Variants in AKAP13 observed in about 807,000 individuals in gnomAD.
The protein encoded by AKAP13 is A-kinase anchor protein 13.
Under a neutral mutation model 264.5 loss-of-function variants are expected in AKAP13, and 80 were observed. The ratio of observed to expected loss-of-function variants is 0.30; its 90% confidence interval spans 0.25 to 0.36. The LOEUF (loss-of-function observed/expected upper bound fraction) is 0.36. Ranked by LOEUF, AKAP13 falls within the 10% of genes least tolerant of loss-of-function variation. The pLI, the probability that AKAP13 is intolerant of heterozygous loss-of-function variation, is 1.00. For missense variants in AKAP13, 3,712 were observed against 3,435.2 expected (o/e 1.08, Z -2.01); for synonymous variants, 1,380 against 1,250.2 (o/e 1.10, Z -2.19).
chr15:85,601,503 C>T (rs1362359828), intron 8 of AKAP13, among the ~76,000 whole-genome samples: 3 of 151,992 alleles, frequency 2.0e-5, no homozygotes, highest in Non-Finnish European at 1.5e-5. Flanking sequence ...TCCTTTTCCC[C>T]CAAAATAAGA....
rs1274933165 is a variant in AKAP13 at position 85,483,641 on chromosome 15, A to AAACAAAC, written c.-11-2067_-11-2066insCAAACAA. ...GAGCGAGACTCCGTCTCAAAAAAAAAAAAAAAAAAACACCAAAAAATCAGC... is the reference window on the plus strand; with the variant it reads ...GAGCGAGACTCCGTCTCAAAAAAAAAAACAAACAAAAAAAAAACACCAAAAAATCAGC... On this transcript the variant is annotated intron_variant, in intron 1 of 36. Coordinates refer to ENST00000394518, the MANE Select transcript of AKAP13 (RefSeq NM_007200.5). Among the ~76,000 whole-genome samples, 429 of 143,258 alleles carry AAACAAAC rather than the reference A, an allele frequency of 3.0e-3. 16 individuals are homozygous for AAACAAAC. Among genetic ancestry groups the AAACAAAC allele is most frequent in the East Asian group, 6.3e-3 (32 of 5,040 alleles). The allele number at this position is 143,258 out of a possible 152,430, so 94.0% of individuals were successfully genotyped here.
At chr15:85,438,355 G>A (rs2073432673) in intron 1 of AKAP13, among the ~76,000 whole-genome samples, 1 of 150,426 alleles carries the variant, frequency 6.6e-6, no homozygotes, top group Non-Finnish European at 1.5e-5. Context: ...ATGCTCATGG[G>A]TAGGAAGAAT....
chr15:85,610,667 A>G (rs1469467286), intron 8 of AKAP13, among the ~76,000 whole-genome samples: 7 of 152,340 alleles, frequency 4.6e-5, no homozygotes. Flanking sequence ...AAAACTCTGA[A>G]GAGTTAGTAT....
At chr15:85,588,347 G>A (rs929923214) in intron 8 of AKAP13, among the ~76,000 whole-genome samples, 1 of 152,166 alleles carries the variant, frequency 6.6e-6, no homozygotes, top group Non-Finnish European at 1.5e-5. Context: ...TCAGACAAAT[G>A]TTGCTTTTAC....
chr15:85,687,863 A>T (rs2085034526), intron 16 of AKAP13, among the ~76,000 whole-genome samples: 1 of 152,032 alleles, frequency 6.6e-6, no homozygotes, highest in Non-Finnish European at 1.5e-5. Context: ...GTATAGTGAG[A>T]CCTCATCTCT....
At chr15:85,412,645 C>T (rs2072032506) in intron 1 of AKAP13, among the ~76,000 whole-genome samples, 1 of 152,140 alleles carries the variant, frequency 6.6e-6, no homozygotes, top group East Asian at 1.9e-4. Flanking sequence ...CTTTGGGATT[C>T]TCAGTTTTTA....
chr15:85,427,357 T>C (rs1472749763), intron 1 of AKAP13, among the ~76,000 whole-genome samples: 2 of 150,430 alleles, frequency 1.3e-5, no homozygotes, highest in Non-Finnish European at 3.0e-5. Flanking sequence ...CACTAGTTAC[T>C]AGAAATTTTG....
intron 8 of AKAP13, among the ~76,000 whole-genome samples, chr15:85,634,066 G>T (rs1425729449): frequency 2.0e-5 from 3 of 152,194 alleles, no homozygotes; most frequent in Non-Finnish European, 4.4e-5. Context: ...TAACACACCA[G>T]GAACTGAAAC....
rs561457055 is a variant in AKAP13, at chr15:85,711,848, A to G, written c.5599+1203A>G. ...TTTGTGGTGTGTGGGAGTGTGTTTAATAGAGACAGGGTCTTGCTTTGTCAC... is the reference window on the plus strand; with the variant it reads ...TTTGTGGTGTGTGGGAGTGTGTTTAGTAGAGACAGGGTCTTGCTTTGTCAC... On this transcript the variant is annotated intron_variant, in intron 19 of 36. Coordinates refer to ENST00000394518, the MANE Select transcript of AKAP13 (RefSeq NM_007200.5). 3.5e-4 allele frequency among the ~76,000 whole-genome samples: 54 copies of G among 152,174 alleles called. 1 individual carries two copies. The highest frequency in any genetic ancestry group is 1.3e-3 in the African/African-American group (54 of 41,524).
chr15:85,665,417 C>T (rs907513213), intron 13 of AKAP13, among the ~76,000 whole-genome samples: 1 of 152,160 alleles, frequency 6.6e-6, no homozygotes, highest in African/African-American at 2.4e-5. Context: ...AAACATATCC[C>T]AAGTTTCTCC....
intron 1 of AKAP13, among the ~76,000 whole-genome samples, chr15:85,391,894 C>T (rs1160746616): frequency 6.6e-6 from 1 of 152,052 alleles, no homozygotes; most frequent in Non-Finnish European, 1.5e-5. Context: ...AAGCAATTCT[C>T]CTGCCTCAGC....
At chr15:85,595,017 A>G (rs2079749506) in intron 8 of AKAP13, among the ~76,000 whole-genome samples, 1 of 152,304 alleles carries the variant, frequency 6.6e-6, no homozygotes, top group Admixed American at 6.5e-5. Flanking sequence ...CTTTAATTTC[A>G]TTCATTTATT....
Position 85,693,379 on chromosome 15 carries a change from C to T in AKAP13, c.5392C>T (p.Pro1798Ser). The change falls in exon 17 of 37, where the codon CCT (proline) becomes TCT (serine). Residue 1798 changes from proline to serine, a missense_variant. Physicochemically the swap from Pro to Ser is moderately conservative, Grantham distance 74. Around this residue, in one of 3 missense-constraint regions of AKAP13, gnomAD observed 2,759 missense variants for 2,411.7 expected, o/e 1.14. Coordinates refer to ENST00000394518, the MANE Select transcript of AKAP13 (RefSeq NM_007200.5). The stretch of plus-strand genomic sequence containing the variant: ...CAACGGGCACACTTTCAGTTCCATT[C>T]CTGTTGTGGGTCCCATCAGCTGTAG... ...TVNGHTFSSI[P>S]VVGPISCSQC... The T allele has an allele frequency of 6.2e-7, 1 of 1,614,018 alleles. No homozygotes were observed.
intron 2 of AKAP13, among the ~76,000 whole-genome samples, chr15:85,519,730 G>A (rs186428939): frequency 1.4e-4 from 21 of 149,634 alleles, no homozygotes; most frequent in South Asian, 2.1e-4. Flanking sequence ...TGTGGTAGTC[G>A]TAGTAGTCAT....
intron 1 of AKAP13, among the ~76,000 whole-genome samples, chr15:85,399,575 GATAATTACTC>G (rs1454226859): frequency 1.4e-5 from 2 of 143,316 alleles, no homozygotes; most frequent in African/African-American, 2.6e-5. Flanking sequence ...GATGCCATAA[GATAATTACTC>G]ATAGAATTAC....
chr15:85,472,160 G>A (rs1433379572), intron 1 of AKAP13, among the ~76,000 whole-genome samples: 2 of 151,590 alleles, frequency 1.3e-5, no homozygotes, highest in East Asian at 3.9e-4. Flanking sequence ...GTGAAGAATT[G>A]GTTAGATTAG....
chr15:85,448,848 C>CTTTT (rs368790274), intron 1 of AKAP13, among the ~76,000 whole-genome samples: 12 of 129,614 alleles, frequency 9.3e-5, no homozygotes, highest in African/African-American at 3.0e-4. Flanking sequence ...GCTATTCAGG[C>CTTTT]TTTTTTTTTT....
chr15:85,538,729 T>A (rs2077485035), intron 4 of AKAP13, among the ~76,000 whole-genome samples: 1 of 151,542 alleles, frequency 6.6e-6, no homozygotes, highest in African/African-American at 2.4e-5. Flanking sequence ...GACCTCGTGA[T>A]CCTCCCGCCT....
At chr15:85,422,042 G>A (rs2072548581) in intron 1 of AKAP13, among the ~76,000 whole-genome samples, 1 of 152,216 alleles carries the variant, frequency 6.6e-6, no homozygotes, top group Non-Finnish European at 1.5e-5. Flanking sequence ...GAGCATTGAT[G>A]TGAATAGTAC....
Sources: allele counts gnomAD v4.1 joint callset (sites outside exome capture counted in the v4.1 genomes callset), GRCh38; gene constraint gnomAD v4.1.1; regional missense constraint gnomAD v4.1.1; transcripts MANE v1.5; gene names NCBI Gene and HGNC (gene_info 2026-07-23, HGNC 2026-07-21).